LRGUK: variants seen among roughly 807,000 people sequenced by gnomAD.
The protein encoded by LRGUK is leucine-rich repeat and guanylate kinase domain-containing protein.
In LRGUK, 65 loss-of-function variants were observed where a neutral mutation model predicts 76.0. The ratio of observed to expected loss-of-function variants is 0.85; its 90% CI spans 0.70 to 1.05. LRGUK has a LOEUF of 1.05. Ranked by LOEUF, LRGUK falls within the 50% of genes least tolerant of loss-of-function variation. The probability of loss-of-function intolerance (pLI) is 0.00; values close to 1 mark genes in which losing one functional copy is unlikely to be tolerated. For synonymous variants in LRGUK, 268 were observed against 265.6 expected, an observed-to-expected ratio of 1.01 and a Z score of -0.09; for missense variants, 758 against 732.8, an observed-to-expected ratio of 1.03 and a Z score of -0.40.
At chr7:134,156,140 T>C (rs1798447515) in intron 5 of LRGUK, among the ~76,000 whole-genome samples, 1 of 152,216 alleles carries the variant, frequency 6.6e-6, no homozygotes, top group Non-Finnish European at 1.5e-5. Context: ...AGCTGATGGG[T>C]AAAGAATGGC....
intron 11 of LRGUK, among the ~76,000 whole-genome samples, chr7:134,184,717 A>T (rs77642249): frequency 9.2e-5 from 14 of 152,264 alleles, no homozygotes; most frequent in African/African-American, 3.1e-4. Context: ...TAAAAGGCTT[A>T]TTGGCTTCTT....
rs113582117 is a variant in LRGUK, at chr7:134,209,550, G to A, written c.2687G>A (p.Arg896Gln). The A allele has an allele frequency of 5.3e-3, 2,113 of 399,154 alleles. 38 individuals carry two copies. The highest frequency in any genetic ancestry group is 0.039 in the African/African-American group (1,900 of 48,694). The allele number at this position is 399,154 out of a possible 1,614,324, so 24.7% of individuals were successfully genotyped here. The change falls in exon 16 of 16, where the codon CGG (arginine) becomes CAG (glutamine). Residue 896 changes from arginine (R) to glutamine (Q), a missense_variant. By Grantham distance (43) the Arg-to-Gln change is conservative. Transcript: ENST00000645682. ...CCTAGAAGCCGGCTGGCTCCCACTC[G>A]GCTGCCCCAGCCTCAGGTGCTGGCT...
chr7:134,190,173 G>T (rs1411703904), intron 11 of LRGUK, among the ~76,000 whole-genome samples: 2 of 152,136 alleles, frequency 1.3e-5, no homozygotes, highest in Non-Finnish European at 2.9e-5. Flanking sequence ...GAAATAACAT[G>T]TCAAGTGTCT....
intron 16 of LRGUK, among the ~76,000 whole-genome samples, chr7:134,233,811 T>C (rs1424040082): frequency 6.6e-6 from 1 of 152,206 alleles, no homozygotes; most frequent in Non-Finnish European, 1.5e-5. Flanking sequence ...TGATTTCCAG[T>C]ATCTTTGCCC....
In LRGUK at chr7:134,252,561, G is replaced by A. The variant is rs562440463; in HGVS notation, c.2198+3485G>A. 1.4e-3 allele frequency among the ~76,000 whole-genome samples: 220 copies of A among 152,226 alleles called. 1 individual carries two copies. Among genetic ancestry groups the A allele is most frequent in the Non-Finnish European group, 2.2e-3 (153 of 68,022 alleles). Reference sequence around the variant, plus strand: ...AAGCAGAATCCTTAGGGTGCAGAGAGAGTGCCCCATCCCAGAATACCTCTA... The same window carrying A: ...AAGCAGAATCCTTAGGGTGCAGAGAAAGTGCCCCATCCCAGAATACCTCTA... On this transcript the variant is annotated intron_variant, in intron 18 of 19. Transcript: ENST00000285928.
rs761273615 is a variant in LRGUK at position 134,258,220 on chromosome 7, G to A, written c.2199-37G>A. ...TGTGGCCATTAGTAGCGAATAGTTTGGATCTCAAAAAGATCTTTGGTTTTT... is the reference window on the plus strand; with the variant it reads ...TGTGGCCATTAGTAGCGAATAGTTTAGATCTCAAAAAGATCTTTGGTTTTT... On this transcript the variant is annotated intron_variant, in intron 18 of 19. Coordinates refer to the LRGUK transcript ENST00000285928. The A allele has an allele frequency of 3.7e-6, 6 of 1,612,526 alleles. No individual in the cohort carries two copies. The East Asian group carries it at 1.3e-4, about 36-fold the overall frequency.
intron 6 of LRGUK, among the ~76,000 whole-genome samples, chr7:134,161,110 A>G (rs931733096): frequency 1.3e-5 from 2 of 152,184 alleles, no homozygotes; most frequent in Non-Finnish European, 1.5e-5. Flanking sequence ...CAGTCTATCT[A>G]CCACACCTAA....
intron 15 of LRGUK, among the ~76,000 whole-genome samples, chr7:134,221,009 G>A (rs1026905221): frequency 6.6e-6 from 1 of 152,008 alleles, no homozygotes; most frequent in African/African-American, 2.4e-5. Context: ...CACTACACTT[G>A]TAGTGCCTAG....
chr7:134,221,316 C>G (rs1801590619), intron 15 of LRGUK, among the ~76,000 whole-genome samples: 1 of 152,158 alleles, frequency 6.6e-6, no homozygotes, highest in Admixed American at 6.5e-5. Flanking sequence ...ATTCTAACAT[C>G]TTAAAGGAAA....
At chr7:134,240,095 G>T (rs748314485) in intron 16 of LRGUK, among the ~76,000 whole-genome samples, 1 of 152,198 alleles carries the variant, frequency 6.6e-6, no homozygotes, top group Non-Finnish European at 1.5e-5. Flanking sequence ...CACAAAGATG[G>T]GGAGAAACCA....
downstream of LRGUK, among the ~76,000 whole-genome samples, chr7:134,268,717 C>CTTTTTTTTTTTTTTT (rs71531815): frequency 7.0e-5 from 4 of 57,324 alleles, 2 homozygotes; most frequent in African/African-American, 2.8e-4. Context: ...TGCAAAAAAT[C>CTTTTTTTTTTTTTTT]TTTTTTTTTT....
At chr7:134,273,510 A>ATT in the LRGUK span, among the ~76,000 whole-genome samples, 14,304 of 148,224 alleles carry the variant, frequency 0.097, 1,758 homozygotes, top group African/African-American at 0.28. Context: ...CAGGCATTGC[A>ATT]CTTTTTTTTT....
At chr7:134,137,066 C>G (rs1435453282) in exon 2 of LRGUK, 1 of 1,613,470 alleles carries the variant, frequency 6.2e-7, no homozygotes, top group African/African-American at 1.3e-5. Context: ...GTGGCCAAAG[C>G]ACTCCATCAC....
At chr7:134,198,623 C>T (rs903247159) in intron 13 of LRGUK, among the ~76,000 whole-genome samples, 3 of 152,252 alleles carry the variant, frequency 2.0e-5, no homozygotes, top group Non-Finnish European at 4.4e-5. Context: ...AGGATTTGTG[C>T]GGCGTCTACA....
chr7:134,139,414 C>A lies in LRGUK; in HGVS notation c.406-22C>A, dbSNP rs190351559. The A allele has an allele frequency of 1.6e-5, 25 of 1,521,038 alleles. No homozygotes were observed. The African/African-American group carries it at 3.3e-4, about 20-fold the overall frequency. The allele number at this position is 1,521,038 out of a possible 1,614,324, so 94.2% of individuals were successfully genotyped here. On this transcript the variant is annotated intron_variant, in intron 2 of 15. Coordinates refer to ENST00000645682, the Ensembl canonical transcript of LRGUK. ...TAACCTGATAAAGCAACATTAAAGTCTTTTACCTTTTGTTTTCTCAGGGTT... is the reference window on the plus strand; with the variant it reads ...TAACCTGATAAAGCAACATTAAAGTATTTTACCTTTTGTTTTCTCAGGGTT...
chr7:134,203,415 G>C (rs1055374658), intron 15 of LRGUK, among the ~76,000 whole-genome samples: 2 of 152,140 alleles, frequency 1.3e-5, no homozygotes, highest in Admixed American at 6.5e-5. Flanking sequence ...TTACCAGGTT[G>C]CATCCTGGCA....
chr7:134,165,356 A>G (rs1162112423), intron 7 of LRGUK, among the ~76,000 whole-genome samples: 1 of 152,198 alleles, frequency 6.6e-6, no homozygotes, highest in Non-Finnish European at 1.5e-5. Context: ...CAGCCTGCAC[A>G]TAGAGAATGG....
At chr7:134,264,534 T>TGG (rs1299999953) in exon 20 of LRGUK, 1 of 152,238 alleles carries the variant, frequency 6.6e-6, no homozygotes, top group Non-Finnish European at 1.5e-5. Context: ...AATGTAATTT[T>TGG]GGGGGGTTCT....
intron 7 of LRGUK, among the ~76,000 whole-genome samples, chr7:134,171,536 C>T (rs1156954963): frequency 6.6e-6 from 1 of 151,530 alleles, no homozygotes; most frequent in Non-Finnish European, 1.5e-5. Context: ...GATGGTGATG[C>T]TTAGAGACTA....
Sources: allele counts gnomAD v4.1 joint callset (sites outside exome capture counted in the v4.1 genomes callset), GRCh38; gene constraint gnomAD v4.1.1; transcripts MANE v1.5; gene names NCBI Gene and HGNC (gene_info 2026-07-23, HGNC 2026-07-21).